FZR1: variants seen among roughly 807,000 people sequenced by gnomAD.
FZR1 encodes fizzy-related protein homolog.
FZR1 carries 11 observed loss-of-function variants against 63.6 expected under a neutral mutation model. The observed-to-expected ratio is 0.17, with a 90% CI of 0.11 to 0.29. The LOEUF (loss-of-function observed/expected upper bound fraction) is 0.29. FZR1 is among the 10% of genes least tolerant of loss of function. The pLI, the probability that FZR1 is intolerant of heterozygous loss-of-function variation, is 1.00. For synonymous variants in FZR1, 328 were observed against 297.9 expected (o/e 1.10, Z -1.04); for missense variants, 440 against 687.5 (o/e 0.64, Z 4.03).
rs929759216 is a variant in FZR1, at chr19:3,533,442, C to A, written c.1347+44C>A. On this transcript the variant is annotated intron_variant, in intron 12 of 13. Transcript: ENST00000441788. The surrounding 1 kb of genome is among the most constrained non-coding windows in gnomAD (Gnocchi z 4.9). ...CTTCAAGGTGCCCCGGGATTCTGGA[C>A]AAACTGCCATGGCCACCCCAGAGCA... 4 of 1,242,672 alleles carry A rather than the reference C, an allele frequency of 3.2e-6. No individual in the cohort carries two copies. Among genetic ancestry groups the A allele is most frequent in the Admixed American group, 3.4e-5 (2 of 59,186 alleles). 77.0% of individuals were successfully genotyped at this position (1,242,672 alleles called of 1,614,324 possible). A position where few individuals can be genotyped will look rare whatever the true frequency, so the allele number is the denominator to read the frequency against.
At position 3,533,450 on chromosome 19, in the gene FZR1, C is replaced by T. The variant is rs1159492918; in HGVS notation, c.1347+52C>T. ...TGCCCCGGGATTCTGGACAAACTGCCATGGCCACCCCAGAGCACCCTGTCC... is the reference window on the plus strand; with the variant it reads ...TGCCCCGGGATTCTGGACAAACTGCTATGGCCACCCCAGAGCACCCTGTCC... On this transcript the variant is annotated intron_variant, in intron 12 of 13. Transcript: ENST00000441788. The surrounding 1 kb of genome is among the most constrained non-coding windows in gnomAD (Gnocchi z 4.9). The T allele has an allele frequency of 3.7e-6, 4 of 1,087,732 alleles. No individual in the cohort carries two copies. The highest frequency in any genetic ancestry group is 1.3e-5 in the South Asian group (1 of 79,874). The allele number at this position is 1,087,732 out of a possible 1,614,324, so 67.4% of individuals were successfully genotyped here.
intron 1 of FZR1, among the ~76,000 whole-genome samples, chr19:3,508,677 C>A (rs530232606): frequency 1.2e-4 from 18 of 152,272 alleles, no homozygotes; most frequent in Non-Finnish European, 1.6e-4. Context: ...CCCGGGGACT[C>A]CAGGCAGAGG....
At chr19:3,509,707 T>G (rs1490621080) in intron 1 of FZR1, among the ~76,000 whole-genome samples, 22 of 152,244 alleles carry the variant, frequency 1.4e-4, no homozygotes, top group Admixed American at 1.4e-3. Flanking sequence ...CCACATTGTG[T>G]GGCCTTTTGT....
intron 1 of FZR1, among the ~76,000 whole-genome samples, chr19:3,509,869 G>A (rs916603214): frequency 2.6e-5 from 4 of 152,172 alleles, no homozygotes; most frequent in Admixed American, 1.3e-4. Context: ...CGTTGGTGCT[G>A]TTTCCAGTGT....
In FZR1 at chr19:3,525,939, C is replaced by A; in HGVS notation, c.141C>A (p.Arg47=). 6.2e-7 allele frequency: 1 copy of A among 1,612,564 alleles called. No homozygotes were observed. ...CCTCGCCCAGCAAGCACGGAGACCG[C>A]TTCATCCCCTCCAGAGCCGGAGCCA... The part of the protein sequence containing the change: ...PVSSPSKHGD[R]FIPSRAGANW... The change falls in exon 3 of 14, where the codon CGC becomes CGA. Residue 47 remains arginine, a synonymous_variant. Coordinates refer to ENST00000441788, the MANE Select transcript of FZR1 (RefSeq NM_016263.4). The surrounding 1 kb of genome is among the most constrained non-coding windows in gnomAD (Gnocchi z 4.2).
In FZR1 at chr19:3,531,986, C is replaced by A; in HGVS notation, c.899C>A (p.Thr300Asn). 6.4e-7 allele frequency: 1 copy of A among 1,574,052 alleles called. No homozygotes were observed. Among genetic ancestry groups the A allele is most frequent in the South Asian group, 1.1e-5 (1 of 87,038 alleles). ...DRMILQRDIR[T>N]PPLQSERRLQ... ...ATGATCCTGCAGAGGGACATCCGCA[C>A]CCCGCCACTGCAGTCGGAGCGGCGG... The change falls in exon 10 of 14, where the codon ACC becomes AAC. Residue 300 changes from threonine to asparagine, a missense_variant. By Grantham distance (65) the Thr-to-Asn change is moderately conservative. Around this residue, in one of 5 missense-constraint regions of FZR1, gnomAD observed 208 missense variants for 363.6 expected, o/e 0.57. Coordinates refer to ENST00000441788, the MANE Select transcript of FZR1 (RefSeq NM_016263.4).
chr19:3,510,717 G>T (rs1191450437), intron 1 of FZR1, among the ~76,000 whole-genome samples: 1 of 152,104 alleles, frequency 6.6e-6, no homozygotes, highest in East Asian at 1.9e-4. Context: ...TCCACTTAAG[G>T]ATCCCCCTCA....
rs2083057471 is a variant in FZR1, at chr19:3,516,188, T to C, written c.-34-6768T>C. Among the ~76,000 whole-genome samples, 1 of 152,198 alleles carries C rather than the reference T, an allele frequency of 6.6e-6. No homozygotes were observed. The highest frequency in any genetic ancestry group is 1.5e-5 in the Non-Finnish European group (1 of 68,024). The stretch of plus-strand genomic sequence containing the variant: ...AACCATGAGTGCGTGTGGCTGTCTC[T>C]CCCCACGCCTGGGATGGTGAGGCCG... On this transcript the variant is annotated intron_variant, in intron 1 of 13. Transcript: ENST00000441788. This position sits in a 1 kb window ranked among gnomAD's most constrained non-coding sequence, Gnocchi z 6.0.
intron 7 of FZR1, among the ~76,000 whole-genome samples, chr19:3,528,797 G>A (rs2083192047): frequency 7.7e-6 from 1 of 130,438 alleles, no homozygotes; most frequent in Non-Finnish European, 1.7e-5. Context: ...ATGGGAGAGT[G>A]GATGGGTACG....
intron 1 of FZR1, among the ~76,000 whole-genome samples, chr19:3,509,457 T>G (rs998300247): frequency 6.6e-6 from 1 of 152,234 alleles, no homozygotes; most frequent in South Asian, 2.1e-4. Context: ...CTTTATTTAA[T>G]TTTTGCTCGT....
chr19:3,523,185 G>A, intron 2 of FZR1, 127 bp downstream of exon 2: 1 of 721,460 alleles, frequency 1.4e-6, no homozygotes, highest in South Asian at 1.5e-5. Context: ...CAGTCCCCCA[G>A]GTCACACGGG....
chr19:3,512,453 G>A (rs1419762411), intron 1 of FZR1, among the ~76,000 whole-genome samples: 5 of 152,214 alleles, frequency 3.3e-5, no homozygotes, highest in African/African-American at 7.2e-5. Context: ...CCAAAGCTTC[G>A]TGGCCAGGAA....
At chr19:3,532,393 G>A (rs754701833) in intron 10 of FZR1, 24 bp from the exon 11 acceptor site, 120 of 1,561,126 alleles carry the variant, frequency 7.7e-5, no homozygotes, top group South Asian at 1.1e-4. Context: ...GGACAGCCCC[G>A]GCCTCACAGC....
rs992520663 is a variant in FZR1 at position 3,516,649 on chromosome 19, GAC to G, written c.-34-6305_-34-6304del. Among the ~76,000 whole-genome samples, 46 of 152,326 alleles carry G rather than the reference GAC, an allele frequency of 3.0e-4. No homozygotes were observed. Among genetic ancestry groups the G allele is most frequent in the African/African-American group, 9.9e-4 (41 of 41,558 alleles). On this transcript the variant is annotated intron_variant, in intron 1 of 13. Coordinates refer to ENST00000441788, the MANE Select transcript of FZR1 (RefSeq NM_016263.4). This position sits in a 1 kb window ranked among gnomAD's most constrained non-coding sequence, Gnocchi z 6.0. ...ACCCTCCAGATCTCGGAGGTGGGAA[GAC>G]AGTCTGCACACCCGTCTTGTGCACC...
chr19:3,534,594 G>A (rs943964109), intron 13 of FZR1, 81 bp downstream of exon 13: 51 of 1,014,666 alleles, frequency 5.0e-5, no homozygotes, highest in African/African-American at 3.3e-4. Flanking sequence ...GTCCTCGGGC[G>A]TACCCTCCTC....
In FZR1 at chr19:3,515,981, G is replaced by A. The variant is rs1220126360; in HGVS notation, c.-34-6975G>A. ...TCCGCTCCCTGTCTGATGGCCTCTTGCGTCTTCCACTCTGACTAGCTGCCG... is the reference window on the plus strand; with the variant it reads ...TCCGCTCCCTGTCTGATGGCCTCTTACGTCTTCCACTCTGACTAGCTGCCG... On this transcript the variant is annotated intron_variant, in intron 1 of 13. Coordinates refer to ENST00000441788, the MANE Select transcript of FZR1 (RefSeq NM_016263.4). The surrounding 1 kb of genome is among the most constrained non-coding windows in gnomAD (Gnocchi z 4.6). 6.6e-6 allele frequency among the ~76,000 whole-genome samples: 1 copy of A among 152,126 alleles called. No homozygotes were observed. The highest frequency in any genetic ancestry group is 1.5e-5 in the Non-Finnish European group (1 of 68,042).
intron 1 of FZR1, among the ~76,000 whole-genome samples, 177 bp downstream of exon 1, chr19:3,506,651 C>T (rs1431730739): frequency 6.6e-6 from 1 of 151,810 alleles, no homozygotes; most frequent in Non-Finnish European, 1.5e-5. Context: ...CCCGGGTGAC[C>T]TCAGCATCCG....
At chr19:3,522,347 G>T (rs1367999287) in intron 1 of FZR1, among the ~76,000 whole-genome samples, 1 of 152,168 alleles carries the variant, frequency 6.6e-6, no homozygotes, top group Non-Finnish European at 1.5e-5. Context: ...CCCTTGGAGG[G>T]GCCTTCCTGG....
rs1432166598 is a variant in FZR1 at position 3,526,181 on chromosome 19, A to C, written c.257A>C (p.Lys86Thr). The change falls in exon 4 of 14, where the codon AAA becomes ACA. Residue 86 changes from lysine to threonine, a missense_variant and splice_region_variant. Lys to Thr is a moderately conservative substitution (Grantham distance 78, BLOSUM62 -1). Around this residue, in one of 5 missense-constraint regions of FZR1, gnomAD observed 200 missense variants for 245.1 expected, o/e 0.82. Transcript: ENST00000441788. The surrounding 1 kb of genome is among the most constrained non-coding windows in gnomAD (Gnocchi z 5.4). Reference protein sequence around the residue: ...KAKDATSDNGKDGLAYSALLK... With the variant: ...KAKDATSDNGTDGLAYSALLK... ...AAGGACGCCACCTCAGACAACGGCA[A>C]AGGTTAGGGTCCCAGCCCATCCGCC... is the stretch of plus-strand genomic sequence containing the variant. 1 of 1,612,676 alleles carries C rather than the reference A, an allele frequency of 6.2e-7. No individual in the cohort carries two copies. The highest frequency in any genetic ancestry group is 8.5e-7 in the Non-Finnish European group (1 of 1,179,944).
Sources: gnomAD v4.1 joint callset for allele counts (sites outside exome capture counted in the v4.1 genomes callset) on GRCh38, gnomAD v4.1.1 for gene constraint, gnomAD v4.1.1 regional missense constraint, Gnocchi (gnomAD v3.1) non-coding constraint, MANE v1.5 for transcripts, NCBI Gene and HGNC (gene_info 2026-07-23, HGNC 2026-07-21) for gene names.